Variants in TEAD1 observed in about 807,000 individuals in gnomAD.
The protein encoded by TEAD1 is TEA domain transcription factor 1, also known as transcriptional enhancer factor TEF-1.
Under a neutral mutation model 54.9 loss-of-function variants are expected in TEAD1, and 9 were observed. The observed-to-expected ratio is 0.16, with a 90% CI of 0.10 to 0.29. TEAD1 has a LOEUF of 0.29. Ranked by LOEUF, TEAD1 falls within the 10% of genes least tolerant of loss-of-function variation. The pLI is 1.00. For missense variants in TEAD1, 387 were observed against 535.9 expected, an observed-to-expected ratio of 0.72 and a Z score of 2.74; for synonymous variants, 200 against 187.8, an observed-to-expected ratio of 1.07 and a Z score of -0.53.
chr11:12,693,993 G>C (rs1943521927), intron 2 of TEAD1, among the ~76,000 whole-genome samples: 1 of 152,202 alleles, frequency 6.6e-6, no homozygotes, highest in African/African-American at 2.4e-5. Flanking sequence ...AAAGGCACTT[G>C]AGTCAATTTA....
At chr11:12,874,763 C>G (rs140483966) in intron 5 of TEAD1, among the ~76,000 whole-genome samples, 1 of 152,204 alleles carries the variant, frequency 6.6e-6, no homozygotes, top group African/African-American at 2.4e-5. Flanking sequence ...CATAGACCAC[C>G]CATAGTTCCT....
chr11:12,765,142 A>C (rs78786963), intron 3 of TEAD1, among the ~76,000 whole-genome samples: 1,575 of 152,128 alleles, frequency 0.01, 30 homozygotes, highest in African/African-American at 0.037. Flanking sequence ...TGCCAAGGAG[A>C]GAGAGACCTG....
At chr11:12,772,035 G>A (rs1299920699) in intron 3 of TEAD1, among the ~76,000 whole-genome samples, 1 of 152,296 alleles carries the variant, frequency 6.6e-6, no homozygotes, top group Non-Finnish European at 1.5e-5. Flanking sequence ...GAGCTGCTGG[G>A]CTAGCTGCAG....
chr11:12,827,283 T>A (rs969508683), intron 3 of TEAD1, among the ~76,000 whole-genome samples: 1 of 152,242 alleles, frequency 6.6e-6, no homozygotes, highest in South Asian at 2.1e-4. Flanking sequence ...TCTCTGCATC[T>A]CCTAGGGGCT....
At chr11:12,704,129 G>C (rs1943763851) in intron 2 of TEAD1, among the ~76,000 whole-genome samples, 1 of 152,190 alleles carries the variant, frequency 6.6e-6, no homozygotes, top group East Asian at 1.9e-4. Flanking sequence ...AGTTGGCGTT[G>C]TGTTTGGTTT....
rs527481376 is a variant in TEAD1 at position 12,880,527 on chromosome 11, G to A, written c.466-478G>A. On this transcript the variant is annotated intron_variant, in intron 6 of 12. Transcript: ENST00000527636. The stretch of plus-strand genomic sequence containing the variant: ...GCCCCCTTTCCAGCCCACACCAATC[G>A]CAGCAGGGAAGCTCGCTGCAGAGAA... Among the ~76,000 whole-genome samples the A allele has an allele frequency of 1.4e-4, 22 of 152,228 alleles. 1 individual carries two copies. Among genetic ancestry groups the A allele is most frequent in the South Asian group, 8.3e-4 (4 of 4,804 alleles).
intron 2 of TEAD1, among the ~76,000 whole-genome samples, chr11:12,679,804 G>A (rs1398633410): frequency 6.6e-6 from 1 of 152,032 alleles, no homozygotes; most frequent in Admixed American, 6.5e-5. Flanking sequence ...ATCCAAGAAT[G>A]TTGTCTGCTT....
At chr11:12,870,906 A>G (rs1471746144) in intron 5 of TEAD1, among the ~76,000 whole-genome samples, 2 of 152,158 alleles carry the variant, frequency 1.3e-5, no homozygotes, top group African/African-American at 2.4e-5. Flanking sequence ...AAAAAGAAAA[A>G]ATGTCTAGGA....
At chr11:12,849,875 C>T (rs1947234510) in intron 3 of TEAD1, among the ~76,000 whole-genome samples, 1 of 152,148 alleles carries the variant, frequency 6.6e-6, no homozygotes, top group African/African-American at 2.4e-5. Context: ...AGATAGTGCC[C>T]TCTTAATGTT....
At chr11:12,851,047 C>G in intron 3 of TEAD1, 1 of 980,508 alleles carries the variant, frequency 1.0e-6, no homozygotes, top group Non-Finnish European at 1.2e-6. Flanking sequence ...TAATCTTTTT[C>G]TAGATCTTTT....
intron 2 of TEAD1, among the ~76,000 whole-genome samples, chr11:12,756,361 A>G (rs1472360219): frequency 6.6e-6 from 1 of 152,202 alleles, no homozygotes; most frequent in Non-Finnish European, 1.5e-5. Flanking sequence ...TGTCTCTGAC[A>G]ATGACATACT....
chr11:12,907,930 G>A (rs542775995), intron 10 of TEAD1, among the ~76,000 whole-genome samples: 5 of 152,334 alleles, frequency 3.3e-5, no homozygotes, highest in African/African-American at 1.2e-4. Context: ...GGAAGCTAAT[G>A]GTGATTGCTG....
intron 2 of TEAD1, among the ~76,000 whole-genome samples, chr11:12,761,609 A>AT (rs1945104677): frequency 6.6e-6 from 1 of 152,236 alleles, no homozygotes; most frequent in Non-Finnish European, 1.5e-5. Context: ...TCTGAGTGCC[A>AT]TTTATTGGGG....
intron 2 of TEAD1, among the ~76,000 whole-genome samples, chr11:12,736,048 A>G (rs1203991621): frequency 1.3e-5 from 2 of 152,230 alleles, no homozygotes; most frequent in Non-Finnish European, 2.9e-5. Context: ...TAAGCCTTCA[A>G]GTGCTTCATC....
chr11:12,740,726 C>T (rs1450978356), intron 2 of TEAD1, among the ~76,000 whole-genome samples: 1 of 152,144 alleles, frequency 6.6e-6, no homozygotes, highest in Non-Finnish European at 1.5e-5. Flanking sequence ...TAACTGCCCC[C>T]TGCCCCGTGA....
intron 2 of TEAD1, among the ~76,000 whole-genome samples, chr11:12,690,617 A>T (rs1943438949): frequency 6.6e-6 from 1 of 152,174 alleles, no homozygotes; most frequent in South Asian, 2.1e-4. Context: ...TTTGATGCAA[A>T]TATTTCATAG....
chr11:12,698,042 CCCTCAGAACAGGGA>C (rs1943624137), intron 2 of TEAD1, among the ~76,000 whole-genome samples: 1 of 147,934 alleles, frequency 6.8e-6, no homozygotes, highest in Non-Finnish European at 1.5e-5. Flanking sequence ...AAAAAAAGGG[CCCTCAGAACAGGGA>C]CCAGAGGGGT....
At chr11:12,888,848 T>A (rs1219329977) in intron 9 of TEAD1, among the ~76,000 whole-genome samples, 1 of 152,208 alleles carries the variant, frequency 6.6e-6, no homozygotes. Context: ...CCTGAGATAG[T>A]GACCAAAAGG....
chr11:12,921,159 T>C (rs1435029926), intron 10 of TEAD1: 2 of 152,122 alleles, frequency 1.3e-5, no homozygotes, highest in Non-Finnish European at 2.9e-5. Context: ...TTTAGGGAGG[T>C]TGGCAAATTT....
Sources: allele counts gnomAD v4.1 joint callset (sites outside exome capture counted in the v4.1 genomes callset), GRCh38; gene constraint gnomAD v4.1.1; transcripts MANE v1.5; gene names NCBI Gene and HGNC (gene_info 2026-07-23, HGNC 2026-07-21).